RCAN2: variants seen among roughly 807,000 people sequenced by gnomAD.
RCAN2 encodes the protein calcipressin-2.
Under a neutral mutation model 23.6 loss-of-function variants are expected in RCAN2, and 9 were observed. The observed-to-expected ratio is 0.38, with a 90% CI of 0.23 to 0.67. The LOEUF is 0.67. Among genes scored for constraint, RCAN2 ranks in the 30% least tolerant of loss-of-function variants. The probability of loss-of-function intolerance (pLI) is 0.51; values close to 1 mark genes in which losing one functional copy is unlikely to be tolerated. For missense variants in RCAN2, 273 were observed against 302.3 expected (o/e 0.90, Z 0.72); for synonymous variants, 109 against 115.7 (o/e 0.94, Z 0.37).
intron 2 of RCAN2, among the ~76,000 whole-genome samples, chr6:46,382,352 A>T (rs1163255211): frequency 2.0e-5 from 3 of 152,226 alleles, no homozygotes; most frequent in African/African-American, 7.2e-5. Context: ...TGTGCTGCTC[A>T]TCTTCCAGCT....
chr6:46,378,278 C>T (rs964821565), intron 2 of RCAN2, among the ~76,000 whole-genome samples: 1 of 152,182 alleles, frequency 6.6e-6, no homozygotes, highest in Non-Finnish European at 1.5e-5. Flanking sequence ...TGATGAAAGA[C>T]AGCTTAGAAA....
rs546078580 is a variant in RCAN2 at position 46,433,221 on chromosome 6, C to T, written c.225+23531G>A. 1.2e-4 allele frequency among the ~76,000 whole-genome samples: 18 copies of T among 152,206 alleles called. No homozygotes were observed. In the Middle Eastern group the frequency reaches 0.01, roughly 86 times the overall value. On this transcript the variant is annotated intron_variant, in intron 2 of 4. Transcript: ENST00000371374. ...GTTAGTCTACATATGGTCCTCAGAT[C>T]GGCCTATACTCCCAAATTCAGAGAA...
At chr6:46,315,815 G>A (rs1763413885) in intron 2 of RCAN2, among the ~76,000 whole-genome samples, 1 of 152,202 alleles carries the variant, frequency 6.6e-6, no homozygotes, top group Non-Finnish European at 1.5e-5. Flanking sequence ...TGTGGCTACA[G>A]TGAAGATACT....
chr6:46,441,551 G>A (rs539760088), intron 2 of RCAN2, among the ~76,000 whole-genome samples: 2 of 152,148 alleles, frequency 1.3e-5, no homozygotes, highest in East Asian at 3.9e-4. Flanking sequence ...TTTTTTGGGG[G>A]GAAAGGTAGG....
At chr6:46,347,764 A>C (rs1764531707) in intron 2 of RCAN2, among the ~76,000 whole-genome samples, 1 of 152,182 alleles carries the variant, frequency 6.6e-6, no homozygotes, top group Non-Finnish European at 1.5e-5. Flanking sequence ...AAAACAAACA[A>C]ACAAACAAAA....
intron 2 of RCAN2, among the ~76,000 whole-genome samples, chr6:46,298,839 A>C (rs1762809395): frequency 6.6e-6 from 1 of 152,146 alleles, no homozygotes; most frequent in Non-Finnish European, 1.5e-5. Flanking sequence ...TTGCAATAGC[A>C]AAGACACGTA....
chr6:46,446,738 T>C (rs896721041), intron 2 of RCAN2, among the ~76,000 whole-genome samples: 1 of 152,184 alleles, frequency 6.6e-6, no homozygotes. Flanking sequence ...ATTGAGTTTT[T>C]TCATGTGATC....
At chr6:46,351,303 G>A (rs1403719553) in intron 2 of RCAN2, among the ~76,000 whole-genome samples, 1 of 152,134 alleles carries the variant, frequency 6.6e-6, no homozygotes, top group African/African-American at 2.4e-5. Flanking sequence ...TCCCTTTTAG[G>A]CAATTCTTTG....
At chr6:46,263,259 A>AAACATATGTATTAAGATCCTCCATAATGT (rs1767175833) in intron 2 of RCAN2, among the ~76,000 whole-genome samples, 1 of 152,216 alleles carries the variant, frequency 6.6e-6, no homozygotes, top group African/African-American at 2.4e-5. Context: ...AATGCACACT[A>AAACATATGTATTAAGATCCTCCATAATGT]AACATATGTA....
intron 2 of RCAN2, among the ~76,000 whole-genome samples, chr6:46,253,726 G>A (rs753807565): frequency 6.6e-6 from 1 of 152,052 alleles, no homozygotes; most frequent in Non-Finnish European, 1.5e-5. Flanking sequence ...GTCATGCACT[G>A]CATAATGAAG....
At chr6:46,231,801 T>G (rs189923022) in intron 4 of RCAN2, among the ~76,000 whole-genome samples, 258 of 152,264 alleles carry the variant, frequency 1.7e-3, no homozygotes, top group Non-Finnish European at 2.9e-3. Context: ...CAGAGAAGTC[T>G]GTATTAGGCA....
At chr6:46,392,222 G>A (rs1307493652) in intron 2 of RCAN2, among the ~76,000 whole-genome samples, 1 of 152,170 alleles carries the variant, frequency 6.6e-6, no homozygotes, top group Non-Finnish European at 1.5e-5. Context: ...AGTAGATATA[G>A]AGGAGGAACG....
intron 4 of RCAN2, among the ~76,000 whole-genome samples, chr6:46,240,554 A>G (rs1365842423): frequency 7.2e-5 from 11 of 152,158 alleles, no homozygotes; most frequent in African/African-American, 2.7e-4. Context: ...TGACACAGAG[A>G]GACTGTGCTA....
intron 2 of RCAN2, among the ~76,000 whole-genome samples, chr6:46,395,820 C>G (rs10498767): frequency 0.5 from 75,937 of 151,936 alleles, 19,667 homozygotes; most frequent in East Asian, 0.61. Flanking sequence ...TTAATACCAA[C>G]ATATGAGACC....
chr6:46,223,340 G>T, intron 4 of RCAN2, 39 bp from the exon 5 acceptor site: 1 of 1,585,150 alleles, frequency 6.3e-7, no homozygotes, highest in Non-Finnish European at 8.6e-7. Flanking sequence ...AAGAGGGGGG[G>T]ATTTCAAAAG....
At chr6:46,259,814 A>G (rs1231465476) in intron 2 of RCAN2, among the ~76,000 whole-genome samples, 1 of 152,186 alleles carries the variant, frequency 6.6e-6, no homozygotes, top group Non-Finnish European at 1.5e-5. Context: ...CATTTGCTAT[A>G]ATGGCTTACG....
At chr6:46,413,498 A>G (rs998824807) in intron 2 of RCAN2, among the ~76,000 whole-genome samples, 2 of 152,248 alleles carry the variant, frequency 1.3e-5, no homozygotes, top group African/African-American at 4.8e-5. Context: ...GATATTGTTG[A>G]AGAAAATCAT....
Position 46,246,885 on chromosome 6 carries a change from T to A in RCAN2, c.434A>T (p.His145Leu), listed in dbSNP as rs1766532241. 1.3e-6 allele frequency: 2 copies of A among 1,599,698 alleles called. No homozygotes were observed. Among genetic ancestry groups the A allele is most frequent in the Non-Finnish European group, 1.7e-6 (2 of 1,171,716 alleles). ...TTTGGCAGGCTGGGGTGGAGCCAAG[T>A]GCAGTTTGTCTCCATCTGTCTCTGG... is the stretch of plus-strand genomic sequence containing the variant. ...QTPETDGDKL[H>L]LAPPQPAKQF... Residue 145 changes from histidine (H) to leucine (L), a missense_variant, in exon 4 of 5, where the codon CAC becomes CTC. Coordinates refer to ENST00000371374, the MANE Select transcript of RCAN2 (RefSeq NM_001251974.2).
intron 2 of RCAN2, among the ~76,000 whole-genome samples, chr6:46,352,664 T>C (rs1213437079): frequency 6.6e-6 from 1 of 152,212 alleles, no homozygotes; most frequent in Non-Finnish European, 1.5e-5. Flanking sequence ...TAGAACTTTA[T>C]GGAACTCATC....
Sources: allele counts gnomAD v4.1 joint callset (sites outside exome capture counted in the v4.1 genomes callset), GRCh38; gene constraint gnomAD v4.1.1; transcripts MANE v1.5; gene names NCBI Gene and HGNC (gene_info 2026-07-23, HGNC 2026-07-21).